TNNI3K: variants seen among roughly 807,000 people sequenced by gnomAD.
TNNI3K encodes the protein TNNI3 interacting kinase.
A neutral mutation model predicts 114.5 loss-of-function variants in TNNI3K; 140 were observed. The observed-to-expected ratio is 1.22, with a 90% CI of 1.07 to 1.41. The LOEUF (loss-of-function observed/expected upper bound fraction) is 1.41. Among genes scored for constraint, TNNI3K ranks in the 40% most tolerant of loss-of-function variants. TNNI3K has a pLI of 0.00. For synonymous variants in TNNI3K, 347 were observed against 347.5 expected (o/e 1.00, Z 0.02); for missense variants, 1,125 against 1,007.6 (o/e 1.12, Z -1.58).
At chr1:74,407,960 G>A (rs534490717) in intron 17 of TNNI3K, among the ~76,000 whole-genome samples, 20 of 151,940 alleles carry the variant, frequency 1.3e-4, no homozygotes, top group African/African-American at 2.7e-4. Flanking sequence ...AATGTCACTC[G>A]TCCTCATAGA....
intron 5 of TNNI3K, among the ~76,000 whole-genome samples, chr1:74,293,968 A>G (rs192464473): frequency 1.8e-4 from 27 of 151,794 alleles, no homozygotes; most frequent in East Asian, 9.6e-4. Context: ...TTCTTCTATT[A>G]TTTCATTAAT....
intron 17 of TNNI3K, among the ~76,000 whole-genome samples, chr1:74,432,576 G>C (rs1665948829): frequency 6.6e-6 from 1 of 152,024 alleles, no homozygotes; most frequent in Admixed American, 6.6e-5. Context: ...TTTCTTTAAA[G>C]AGCCTATGAC....
At chr1:74,453,196 G>C (rs1238296987) in intron 20 of TNNI3K, among the ~76,000 whole-genome samples, 2 of 152,136 alleles carry the variant, frequency 1.3e-5, no homozygotes, top group Non-Finnish European at 2.9e-5. Flanking sequence ...TTTAGAGGGA[G>C]AATATTATTT....
intron 21 of TNNI3K, among the ~76,000 whole-genome samples, chr1:74,465,215 G>A (rs1015809134): frequency 2.0e-5 from 3 of 152,166 alleles, no homozygotes; most frequent in Non-Finnish European, 2.9e-5. Flanking sequence ...GCTGCACCGT[G>A]GGAACCCCTC....
chr1:74,428,393 T>G (rs1006515789), intron 17 of TNNI3K, among the ~76,000 whole-genome samples: 4 of 152,112 alleles, frequency 2.6e-5, no homozygotes, highest in African/African-American at 9.7e-5. Context: ...AGGGTTGTTT[T>G]CTGGGATCAT....
chr1:74,313,409 G>A (rs1329047223), intron 5 of TNNI3K, among the ~76,000 whole-genome samples: 1 of 152,220 alleles, frequency 6.6e-6, no homozygotes, highest in Non-Finnish European at 1.5e-5. Flanking sequence ...GGTTGACACA[G>A]TCTGAAGCCA....
chr1:74,248,451 G>A lies in TNNI3K; in HGVS notation c.150-1008G>A, dbSNP rs530966283. The stretch of plus-strand genomic sequence containing the variant: ...GAGAGCGAGCGAGGGCTGCTAGCAC[G>A]TTGTCACCTCTCACTGTGGTGAGGA... On this transcript the variant is annotated intron_variant, in intron 2 of 24. Coordinates refer to ENST00000326637, the MANE Select transcript of TNNI3K (RefSeq NM_015978.3). Among the ~76,000 whole-genome samples the A allele has an allele frequency of 6.1e-4, 93 of 152,298 alleles. No homozygotes were observed. In the Middle Eastern group the frequency reaches 0.014, roughly 22 times the overall value.
intron 2 of TNNI3K, among the ~76,000 whole-genome samples, chr1:74,242,175 A>G (rs892031064): frequency 2.6e-5 from 4 of 152,136 alleles, no homozygotes; most frequent in Admixed American, 6.6e-5. Flanking sequence ...TTTAAACACT[A>G]TGACATCAAC....
chr1:74,251,265 C>T (rs889795442), intron 4 of TNNI3K, among the ~76,000 whole-genome samples: 1 of 152,150 alleles, frequency 6.6e-6, no homozygotes, highest in East Asian at 1.9e-4. Context: ...CTAATCTCAG[C>T]ACCTGATAGA....
At chr1:74,241,259 TAGC>T (rs1418647866) in intron 2 of TNNI3K, among the ~76,000 whole-genome samples, 2 of 152,360 alleles carry the variant, frequency 1.3e-5, no homozygotes, top group East Asian at 3.9e-4. Context: ...TGTGACTTTA[TAGC>T]AGCATGTTTT....
intron 6 of TNNI3K, among the ~76,000 whole-genome samples, chr1:74,333,670 G>A (rs1195826311): frequency 6.6e-6 from 1 of 152,184 alleles, no homozygotes; most frequent in African/African-American, 2.4e-5. Context: ...AAAATATGCT[G>A]ACAAGGAGAA....
At chr1:74,534,995 A>C (rs554112393) in intron 23 of TNNI3K, among the ~76,000 whole-genome samples, 1 of 152,126 alleles carries the variant, frequency 6.6e-6, no homozygotes, top group Non-Finnish European at 1.5e-5. Context: ...ACTGAGTAGC[A>C]GTGGTAACGT....
chr1:74,262,350 AC>A (rs1391733026), intron 4 of TNNI3K, among the ~76,000 whole-genome samples: 1 of 152,042 alleles, frequency 6.6e-6, no homozygotes, highest in African/African-American at 2.4e-5. Context: ...TCCAGATATC[AC>A]CCCTGAGAGG....
rs1046903873 is a variant in TNNI3K at position 74,525,682 on chromosome 1, C to G, written c.2352-14552C>G. Among the ~76,000 whole-genome samples, 8 of 152,244 alleles carry G rather than the reference C, an allele frequency of 5.3e-5. No individual in the cohort carries two copies. In the East Asian group the frequency reaches 1.5e-3, roughly 29 times the overall value. On this transcript the variant is annotated intron_variant, in intron 23 of 24. Transcript: ENST00000326637. ...CCACATATCAAAGCTTAATAAATAACCAATATAAATATGACCATGGAGGCC... is the reference window on the plus strand; with the variant it reads ...CCACATATCAAAGCTTAATAAATAAGCAATATAAATATGACCATGGAGGCC...
intron 23 of TNNI3K, among the ~76,000 whole-genome samples, chr1:74,498,862 T>A (rs566416359): frequency 3.2e-4 from 48 of 152,238 alleles, no homozygotes; most frequent in African/African-American, 6.5e-4. Flanking sequence ...TTAAAAAAAA[T>A]TTTAATATTT....
intron 5 of TNNI3K, among the ~76,000 whole-genome samples, chr1:74,316,010 A>T (rs1659284979): frequency 6.6e-6 from 1 of 152,246 alleles, no homozygotes; most frequent in African/African-American, 2.4e-5. Context: ...TAAAGAAATC[A>T]AAATTTGAAA....
chr1:74,298,428 C>T (rs1344505394), intron 5 of TNNI3K, among the ~76,000 whole-genome samples: 1 of 151,896 alleles, frequency 6.6e-6, no homozygotes, highest in Non-Finnish European at 1.5e-5. Context: ...TGTGTATGTC[C>T]GATTTAAGTA....
intron 23 of TNNI3K, among the ~76,000 whole-genome samples, chr1:74,502,804 A>G (rs1228213007): frequency 6.6e-6 from 1 of 152,200 alleles, no homozygotes; most frequent in Non-Finnish European, 1.5e-5. Context: ...CAAACTGAAC[A>G]CAACTCCACA....
chr1:74,405,962 T>A (rs1459487688), intron 17 of TNNI3K, among the ~76,000 whole-genome samples: 1 of 152,240 alleles, frequency 6.6e-6, no homozygotes, highest in Non-Finnish European at 1.5e-5. Context: ...ATTTAGTGCA[T>A]TAAAGCAACA....
Sources: allele counts gnomAD v4.1 joint callset (sites outside exome capture counted in the v4.1 genomes callset), GRCh38; gene constraint gnomAD v4.1.1; transcripts MANE v1.5; gene names NCBI Gene and HGNC (gene_info 2026-07-23, HGNC 2026-07-21).